The following CCNT2 variants were observed in gnomAD, a reference collection of about 807,000 sequenced individuals.
CCNT2 encodes the protein cyclin-T2.
In CCNT2, 18 loss-of-function variants were observed where a neutral mutation model predicts 70.0. The observed-to-expected ratio is 0.26, with a 90% CI of 0.18 to 0.38. The LOEUF (loss-of-function observed/expected upper bound fraction) is 0.38, where lower values mean the gene tolerates loss of function less well. Ranked by LOEUF, CCNT2 falls within the 10% of genes least tolerant of loss-of-function variation. The pLI is 1.00. For synonymous variants in CCNT2, 334 were observed against 313.3 expected (o/e 1.07, Z -0.70); for missense variants, 734 against 890.2 (o/e 0.82, Z 2.23).
chr2:134,944,118 T>A, intron 5 of CCNT2: 1 of 983,966 alleles, frequency 1.0e-6, no homozygotes, highest in Non-Finnish European at 1.2e-6. Context: ...TAGAACATAT[T>A]TAACTGTGGT....
chr2:134,925,720 G>A (rs1406102379), intron 2 of CCNT2, among the ~76,000 whole-genome samples: 1 of 152,104 alleles, frequency 6.6e-6, no homozygotes, highest in African/African-American at 2.4e-5. Flanking sequence ...AATATGAATA[G>A]TGCTCTTAAG....
At chr2:134,934,738 G>C (rs1003254512) in intron 2 of CCNT2, among the ~76,000 whole-genome samples, 18 of 152,208 alleles carry the variant, frequency 1.2e-4, no homozygotes, top group Non-Finnish European at 2.2e-4. Context: ...TAGCTGGAAA[G>C]TATTTCTTGA....
chr2:134,934,606 GTGTTT>G (rs1396814188), intron 2 of CCNT2, among the ~76,000 whole-genome samples: 3 of 152,166 alleles, frequency 2.0e-5, no homozygotes, highest in Admixed American at 6.5e-5. Flanking sequence ...ATCTAAAAAG[GTGTTT>G]TGTTTTGTTT....
chr2:134,942,198 A>G (rs1213266976), intron 4 of CCNT2, among the ~76,000 whole-genome samples: 1 of 151,394 alleles, frequency 6.6e-6, no homozygotes, highest in Non-Finnish European at 1.5e-5. Context: ...CGTTTCTACC[A>G]CTGTGGCCCA....
At chr2:134,927,027 A>G (rs1312269259) in intron 2 of CCNT2, among the ~76,000 whole-genome samples, 1 of 152,240 alleles carries the variant, frequency 6.6e-6, no homozygotes, top group African/African-American at 2.4e-5. Flanking sequence ...TGAGTGTAAG[A>G]TGAAGTTGAT....
At chr2:134,944,063 CTAAT>C (rs1415644857) in intron 5 of CCNT2, 1 of 984,854 alleles carries the variant, frequency 1.0e-6, no homozygotes, top group African/African-American at 1.7e-5. Context: ...ATCTGAAAAT[CTAAT>C]TTGTATTTTT....
chr2:134,945,644 G>C, intron 5 of CCNT2: 1 of 1,213,946 alleles, frequency 8.2e-7, no homozygotes, highest in Non-Finnish European at 1.0e-6. Context: ...TGTGGGGTGG[G>C]GGTTTGTTTT....
At chr2:134,953,083 C>G (rs553265257) in intron 8 of CCNT2, 147 bp from the exon 9 acceptor site, 6 of 580,708 alleles carry the variant, frequency 1.0e-5, no homozygotes, top group Non-Finnish European at 1.7e-5. Flanking sequence ...CATTTATTTA[C>G]TGACAACATA....
intron 2 of CCNT2, among the ~76,000 whole-genome samples, chr2:134,932,741 T>C (rs187910323): frequency 6.6e-6 from 1 of 152,372 alleles, no homozygotes; most frequent in Non-Finnish European, 1.5e-5. Flanking sequence ...TTTGGTTTGA[T>C]AGGCTCACAC....
chr2:134,936,170 G>C (rs1487951932), intron 2 of CCNT2, among the ~76,000 whole-genome samples: 1 of 147,458 alleles, frequency 6.8e-6, no homozygotes, highest in Non-Finnish European at 1.5e-5. Context: ...TTTTTTTCAG[G>C]TATAGCATCA....
At position 134,933,775 on chromosome 2, in the gene CCNT2, T is replaced by A. The variant is rs556034151; in HGVS notation, c.241-3066T>A. Among the ~76,000 whole-genome samples, 183 of 152,304 alleles carry A rather than the reference T, an allele frequency of 1.2e-3. 1 individual carries two copies. The highest frequency in any genetic ancestry group is 3.7e-3 in the African/African-American group (152 of 41,578). ...AAATCAACATTAACATGCACAATTT[T>A]AAAAATTTTTCAACATAATAATAAT... On this transcript the variant is annotated intron_variant, in intron 2 of 8. Coordinates refer to ENST00000264157, the MANE Select transcript of CCNT2 (RefSeq NM_058241.3).
chr2:134,931,286 T>TTTTTTTTTTTTTTTTTTTTTTTTTTTA (rs1680750594), intron 2 of CCNT2, among the ~76,000 whole-genome samples: 1 of 145,302 alleles, frequency 6.9e-6, no homozygotes, highest in African/African-American at 2.6e-5. Flanking sequence ...TTTTTTTTTT[T>TTTTTTTTTTTTTTTTTTTTTTTTTTTA]TGGTATTTGA....
intron 2 of CCNT2, among the ~76,000 whole-genome samples, chr2:134,930,692 A>G (rs999850258): frequency 2.0e-5 from 3 of 151,702 alleles, no homozygotes; most frequent in African/African-American, 4.8e-5. Flanking sequence ...TCTTTTTTTT[A>G]TCGTAGCCAT....
At chr2:134,924,349 A>C (rs1313690268) in intron 2 of CCNT2, among the ~76,000 whole-genome samples, 1 of 152,234 alleles carries the variant, frequency 6.6e-6, no homozygotes, top group Non-Finnish European at 1.5e-5. Flanking sequence ...ACAACCTTGT[A>C]ATCACCAACC....
intron 2 of CCNT2, among the ~76,000 whole-genome samples, chr2:134,933,239 CT>C: frequency 6.6e-6 from 1 of 152,254 alleles, no homozygotes; most frequent in Non-Finnish European, 1.5e-5. Context: ...TTGGCTAGTT[CT>C]TAAATACAAA....
chr2:134,944,023 ACTGT>A (rs1681765171), intron 5 of CCNT2: 1 of 984,630 alleles, frequency 1.0e-6, no homozygotes, highest in South Asian at 4.7e-5. Context: ...TTTTTTAAAA[ACTGT>A]CTGATAGTGT....
At chr2:134,946,697 T>A (rs1399819184) in intron 6 of CCNT2, among the ~76,000 whole-genome samples, 5 of 145,940 alleles carry the variant, frequency 3.4e-5, no homozygotes, top group South Asian at 2.2e-4. Flanking sequence ...TTTTTTTTTT[T>A]AAACAAAAAA....
rs80267596 is a variant in CCNT2 at position 134,928,405 on chromosome 2, A to C, written c.241-8436A>C. 0.019 allele frequency among the ~76,000 whole-genome samples: 2,877 copies of C among 151,126 alleles called. 213 individuals are homozygous for C. The East Asian group carries it at 0.28, about 15-fold the overall frequency. On this transcript the variant is annotated intron_variant, in intron 2 of 8. Transcript: ENST00000264157. ...GCAATTCTCTTGCCTCAGCCTCCCA[A>C]GTAGCTGGGATTACAGGCATGCACC...
Position 134,942,603 on chromosome 2 carries a change from T to A in CCNT2, c.431-9T>A. 1 of 1,608,374 alleles carries A rather than the reference T, an allele frequency of 6.2e-7. No individual in the cohort carries two copies. Among genetic ancestry groups the A allele is most frequent in the Non-Finnish European group, 8.5e-7 (1 of 1,177,176 alleles). Reference sequence around the variant, plus strand: ...AAGAGATTGGAAAAAAAAGTGCTTATCATTTCAGGTTTTGAGATCACCATT... The same window carrying A: ...AAGAGATTGGAAAAAAAAGTGCTTAACATTTCAGGTTTTGAGATCACCATT... On this transcript the variant is annotated splice_polypyrimidine_tract_variant and intron_variant, in intron 4 of 8. Coordinates refer to ENST00000264157, the MANE Select transcript of CCNT2 (RefSeq NM_058241.3).
Sources: allele counts gnomAD v4.1 joint callset (sites outside exome capture counted in the v4.1 genomes callset), GRCh38; gene constraint gnomAD v4.1.1; transcripts MANE v1.5; gene names NCBI Gene and HGNC (gene_info 2026-07-23, HGNC 2026-07-21).